Variants in GNA14 observed in about 807,000 individuals in gnomAD.
The protein encoded by GNA14 is G protein subunit alpha 14, also known as guanine nucleotide-binding protein subunit alpha-14.
GNA14 carries 50 observed loss-of-function variants against 42.0 expected under a neutral mutation model. The ratio of observed to expected loss-of-function variants is 1.19; its 90% CI spans 0.95 to 1.51. The LOEUF (loss-of-function observed/expected upper bound fraction) is 1.51, where lower values mean the gene tolerates loss of function less well. Ranked by LOEUF, GNA14 falls within the 40% of genes most tolerant of loss-of-function variation. The pLI is 0.00. For synonymous variants in GNA14, 173 were observed against 163.1 expected (o/e 1.06, Z -0.46); for missense variants, 473 against 446.2 (o/e 1.06, Z -0.54).
chr9:77,500,684 C>A (rs1045841164), intron 2 of GNA14, among the ~76,000 whole-genome samples: 1 of 152,168 alleles, frequency 6.6e-6, no homozygotes, highest in African/African-American at 2.4e-5. Context: ...CAAATATATA[C>A]AAATGAAATC....
chr9:77,511,631 ATCC>A (rs1837172079), intron 2 of GNA14, among the ~76,000 whole-genome samples: 1 of 152,176 alleles, frequency 6.6e-6, no homozygotes, highest in Non-Finnish European at 1.5e-5. Context: ...TCCAGGCAGA[ATCC>A]CAAGTGGGCA....
At chr9:77,551,889 C>T (rs112281537) in intron 1 of GNA14, among the ~76,000 whole-genome samples, 6,534 of 151,770 alleles carry the variant, frequency 0.043, 154 homozygotes, top group South Asian at 0.052. Flanking sequence ...CCTGTAATCC[C>T]AGTACTTTGG....
chr9:77,484,857 T>C (rs1439356421), intron 2 of GNA14, among the ~76,000 whole-genome samples: 1 of 152,222 alleles, frequency 6.6e-6, no homozygotes, highest in Non-Finnish European at 1.5e-5. Flanking sequence ...AAGTGTGCAA[T>C]AGCATTATAT....
intron 1 of GNA14, among the ~76,000 whole-genome samples, chr9:77,531,441 G>C (rs1157272637): frequency 6.6e-6 from 1 of 152,278 alleles, no homozygotes; most frequent in South Asian, 2.1e-4. Flanking sequence ...GTCCAAGCTT[G>C]ATTCAAAGTC....
chr9:77,542,198 A>G (rs185348434), intron 1 of GNA14, among the ~76,000 whole-genome samples: 1 of 152,308 alleles, frequency 6.6e-6, no homozygotes, highest in Non-Finnish European at 1.5e-5. Flanking sequence ...TGAAGATATA[A>G]GATATGTACA....
chr9:77,599,654 G>A (rs546933338), intron 1 of GNA14, among the ~76,000 whole-genome samples: 19 of 152,324 alleles, frequency 1.2e-4, no homozygotes, highest in African/African-American at 4.6e-4. Context: ...AGCCTGCCAT[G>A]ATCTGCTTCC....
intron 2 of GNA14, among the ~76,000 whole-genome samples, chr9:77,481,995 C>T (rs371782198): frequency 6.6e-6 from 1 of 152,144 alleles, no homozygotes; most frequent in Non-Finnish European, 1.5e-5. Flanking sequence ...GGTCTTGACT[C>T]TTTATCCAAT....
rs1335580611 is a variant in GNA14 at position 77,423,444 on chromosome 9, T to C, written c.*535A>G. 1.3e-5 allele frequency: 2 copies of C among 152,094 alleles called. No individual in the cohort carries two copies. Among genetic ancestry groups the C allele is most frequent in the African/African-American group, 4.8e-5 (2 of 41,400 alleles). The allele number at this position is 152,094 out of a possible 1,614,324, so 9.4% of individuals were successfully genotyped here. A position where few individuals can be genotyped will look rare whatever the true frequency, so the allele number is the denominator to read the frequency against. On this transcript the variant is annotated 3_prime_UTR_variant, in exon 7 of 7. Coordinates refer to ENST00000341700, the MANE Select transcript of GNA14 (RefSeq NM_004297.4). ...GTTAACACACAAAAAGAACCAAGTGTTTAAAAAAAATCTTTGGTGGCATGT... is the reference window on the plus strand; with the variant it reads ...GTTAACACACAAAAAGAACCAAGTGCTTAAAAAAAATCTTTGGTGGCATGT...
intron 1 of GNA14, among the ~76,000 whole-genome samples, chr9:77,562,053 C>T (rs1587830717): frequency 6.6e-6 from 1 of 152,224 alleles, no homozygotes; most frequent in East Asian, 1.9e-4. Flanking sequence ...GTTCACAATA[C>T]GGATTAAGAA....
chr9:77,447,957 CAG>C (rs1835849709), intron 2 of GNA14, among the ~76,000 whole-genome samples: 1 of 152,236 alleles, frequency 6.6e-6, no homozygotes, highest in Non-Finnish European at 1.5e-5. Flanking sequence ...CTACCACTCA[CAG>C]AGTCTTGAAA....
intron 1 of GNA14, among the ~76,000 whole-genome samples, chr9:77,572,034 AAG>A (rs1163507979): frequency 2.0e-5 from 3 of 152,268 alleles, no homozygotes; most frequent in East Asian, 3.9e-4. Context: ...GAGCAACTGA[AAG>A]AGAGTGGTGG....
intron 2 of GNA14, among the ~76,000 whole-genome samples, chr9:77,465,138 G>C (rs897498587): frequency 5.9e-5 from 9 of 152,156 alleles, no homozygotes; most frequent in African/African-American, 2.2e-4. Flanking sequence ...CACCTAATTT[G>C]TGGTACTGTG....
chr9:77,510,388 T>C (rs554319118), intron 2 of GNA14, among the ~76,000 whole-genome samples: 2 of 152,344 alleles, frequency 1.3e-5, no homozygotes, highest in South Asian at 4.1e-4. Flanking sequence ...CAGGCTGGAC[T>C]GCAGTGGTGC....
chr9:77,481,201 C>T (rs547576728), intron 2 of GNA14, among the ~76,000 whole-genome samples: 30 of 152,120 alleles, frequency 2.0e-4, no homozygotes, highest in Admixed American at 8.5e-4. Context: ...TATAAATTTC[C>T]CTCTACTCAC....
intron 1 of GNA14, among the ~76,000 whole-genome samples, chr9:77,636,414 C>T (rs1404764519): frequency 6.6e-6 from 1 of 152,166 alleles, no homozygotes; most frequent in East Asian, 1.9e-4. Context: ...AACTTGACAA[C>T]AGGAGTATTA....
chr9:77,644,854 TGAC>T (rs1824329777), intron 1 of GNA14, among the ~76,000 whole-genome samples: 1 of 152,230 alleles, frequency 6.6e-6, no homozygotes, highest in South Asian at 2.1e-4. Context: ...GCTATTGTCC[TGAC>T]ACTTTCTCCC....
chr9:77,622,361 A>G (rs1421650506), intron 1 of GNA14, among the ~76,000 whole-genome samples: 1 of 152,202 alleles, frequency 6.6e-6, no homozygotes, highest in African/African-American at 2.4e-5. Context: ...TGAGGCAGCT[A>G]AAAGAACTTA....
intron 1 of GNA14, among the ~76,000 whole-genome samples, chr9:77,568,562 T>C (rs1268931818): frequency 6.6e-6 from 1 of 151,834 alleles, no homozygotes; most frequent in Non-Finnish European, 1.5e-5. Context: ...TAAAAAAGTA[T>C]ACAAGTTAAA....
At chr9:77,599,464 A>G (rs1823519125) in intron 1 of GNA14, among the ~76,000 whole-genome samples, 1 of 152,166 alleles carries the variant, frequency 6.6e-6, no homozygotes, top group South Asian at 2.1e-4. Context: ...GTAAATGAGG[A>G]CTGAACCCGG....
Sources: allele counts gnomAD v4.1 joint callset (sites outside exome capture counted in the v4.1 genomes callset), GRCh38; gene constraint gnomAD v4.1.1; transcripts MANE v1.5; gene names NCBI Gene and HGNC (gene_info 2026-07-23, HGNC 2026-07-21).